The following ADRA1D variants were observed in gnomAD, a reference collection of about 807,000 sequenced individuals.
The protein encoded by ADRA1D is adrenoceptor alpha 1D.
ADRA1D carries 22 observed loss-of-function variants against 18.6 expected under a neutral mutation model. That is an observed-to-expected ratio of 1.19 (90% confidence interval 0.85 to 1.69). ADRA1D has a LOEUF of 1.69. ADRA1D is among the 40% of genes most tolerant of loss of function. The probability of loss-of-function intolerance (pLI) is 0.00; values close to 1 mark genes in which losing one functional copy is unlikely to be tolerated. For missense variants in ADRA1D, 840 were observed against 840.7 expected (o/e 1.00, Z 0.01); for synonymous variants, 376 against 388.2 (o/e 0.97, Z 0.37).
chr20:4,221,290 C>T lies in ADRA1D; in HGVS notation c.*233G>A. The stretch of plus-strand genomic sequence containing the variant: ...GCCCCACGGAGCCCGCAGCCTCTCC[C>T]TTCTAAGAAAAGAGTTCTGGGCACC... On this transcript the variant is annotated 3_prime_UTR_variant, in exon 2 of 2. Coordinates refer to ENST00000379453, the MANE Select transcript of ADRA1D (RefSeq NM_000678.4). 2.2e-6 allele frequency: 1 copy of T among 457,338 alleles called. No individual in the cohort carries two copies. The highest frequency in any genetic ancestry group is 3.8e-6 in the Non-Finnish European group (1 of 262,714). 28.3% of individuals were successfully genotyped at this position (457,338 alleles called of 1,614,324 possible).
chr20:4,232,849 G>GC (rs1318062607), intron 1 of ADRA1D, among the ~76,000 whole-genome samples: 4 of 152,182 alleles, frequency 2.6e-5, no homozygotes, highest in Non-Finnish European at 5.9e-5. Context: ...GAGAAGGCCG[G>GC]CCCCCTTGCC....
chr20:4,235,159 G>A (rs533825458), intron 1 of ADRA1D, among the ~76,000 whole-genome samples: 3 of 152,276 alleles, frequency 2.0e-5, no homozygotes, highest in East Asian at 1.9e-4. Flanking sequence ...CTTGAGATGC[G>A]CCGGGTGTAG....
rs1190781908 is a variant in ADRA1D, at chr20:4,239,593, G to C, written c.1111+8254C>G. ...GCATCTTATCAGATCAGAAAGCAAAGAAGAGCTCAAGATGCTCCAGGTTCT... is the reference window on the plus strand; with the variant it reads ...GCATCTTATCAGATCAGAAAGCAAACAAGAGCTCAAGATGCTCCAGGTTCT... On this transcript the variant is annotated intron_variant, in intron 1 of 1. Transcript: ENST00000379453. This position sits in a 1 kb window ranked among gnomAD's most constrained non-coding sequence, Gnocchi z 4.9. Among the ~76,000 whole-genome samples the C allele has an allele frequency of 1.3e-5, 2 of 152,184 alleles. No individual in the cohort carries two copies. The highest frequency in any genetic ancestry group is 4.8e-5 in the African/African-American group (2 of 41,446).
At position 4,248,965 on chromosome 20, in the gene ADRA1D, C is replaced by A. The variant is rs1167957568; in HGVS notation, c.-8G>T. 3.0e-6 allele frequency: 4 copies of A among 1,349,322 alleles called. No homozygotes were observed. The highest frequency in any genetic ancestry group is 2.9e-5 in the South Asian group (2 of 69,732). 83.6% of individuals were successfully genotyped at this position (1,349,322 alleles called of 1,614,324 possible). On this transcript the variant is annotated 5_prime_UTR_variant, in exon 1 of 2. Transcript: ENST00000379453. ...GAGATCGCGGAAAGTCATCTCAACG[C>A]GCGGCCGTCGGTGGCCGGGCCGGGG... is the stretch of plus-strand genomic sequence containing the variant.
chr20:4,234,896 C>T (rs974454375), intron 1 of ADRA1D, among the ~76,000 whole-genome samples: 7 of 152,192 alleles, frequency 4.6e-5, no homozygotes, highest in Non-Finnish European at 5.9e-5. Context: ...GAGAGACACC[C>T]GGGAAGTTAG....
chr20:4,228,105 G>C (rs112825049), intron 1 of ADRA1D, among the ~76,000 whole-genome samples: 15 of 152,190 alleles, frequency 9.9e-5, no homozygotes, highest in African/African-American at 3.6e-4. Flanking sequence ...TTGACCTCCT[G>C]CCAGCTCCTT....
At chr20:4,234,237 AGG>A (rs1491577595) in intron 1 of ADRA1D, among the ~76,000 whole-genome samples, 3 of 152,196 alleles carry the variant, frequency 2.0e-5, no homozygotes, top group Admixed American at 2.0e-4. Context: ...TAAGGCAGGG[AGG>A]GACATGGCTG....
chr20:4,245,571 C>T (rs998563410), intron 1 of ADRA1D, among the ~76,000 whole-genome samples: 1 of 151,960 alleles, frequency 6.6e-6, no homozygotes, highest in African/African-American at 2.4e-5. Context: ...TGATTACAGG[C>T]ATGTGGGTGC....
rs1981176500 is a variant in ADRA1D at position 4,239,947 on chromosome 20, A to T, written c.1111+7900T>A. Reference sequence around the variant, plus strand: ...TATCCCCACTTCAAGCCCCAGTGATATAATGGGTCCAGGCCATGGTCAATG... The same window carrying T: ...TATCCCCACTTCAAGCCCCAGTGATTTAATGGGTCCAGGCCATGGTCAATG... On this transcript the variant is annotated intron_variant, in intron 1 of 1. Transcript: ENST00000379453. The surrounding 1 kb of genome is among the most constrained non-coding windows in gnomAD (Gnocchi z 4.9). 1.3e-5 allele frequency among the ~76,000 whole-genome samples: 2 copies of T among 152,240 alleles called. No homozygotes were observed. The highest frequency in any genetic ancestry group is 1.3e-4 in the Admixed American group (2 of 15,284).
intron 1 of ADRA1D, among the ~76,000 whole-genome samples, chr20:4,231,279 AT>A (rs138512152): frequency 0.017 from 2,532 of 147,174 alleles, 74 homozygotes; most frequent in African/African-American, 0.06. Context: ...TATTATTATT[AT>A]TATTATTATT....
At chr20:4,235,741 C>A (rs191905470) in intron 1 of ADRA1D, among the ~76,000 whole-genome samples, 23 of 152,396 alleles carry the variant, frequency 1.5e-4, no homozygotes, top group Admixed American at 7.2e-4. Flanking sequence ...GGCCTCCACA[C>A]TGGCTTTCAG....
rs1435342040 is a variant in ADRA1D, at chr20:4,248,229, C to G, written c.729G>C (p.Glu243Asp). The G allele has an allele frequency of 6.2e-7, 1 of 1,602,136 alleles. No homozygotes were observed. The change falls in exon 1 of 2, where the codon GAG (glutamate) becomes GAC (aspartate). Residue 243 changes from glutamate (E) to aspartate (D), a missense_variant. Physicochemically the swap from Glu to Asp is conservative, Grantham distance 45 (BLOSUM62 2). Coordinates refer to ENST00000379453, the MANE Select transcript of ADRA1D (RefSeq NM_000678.4). ...CCTCCTCGGTGATACCGCAGAAGCG[C>G]TCGTCAGGGGGCACGGGCTCCTTCC... ...LGWKEPVPPD[E>D]RFCGITEEAG... is the part of the protein sequence containing the mutation.
At chr20:4,245,745 A>G (rs1981321412) in intron 1 of ADRA1D, among the ~76,000 whole-genome samples, 1 of 152,164 alleles carries the variant, frequency 6.6e-6, no homozygotes, top group Admixed American at 6.5e-5. Context: ...CCAGGAGCCC[A>G]GCACAGCTGG....
chr20:4,247,808 G>A, intron 1 of ADRA1D, 39 bp downstream of exon 1: 1 of 1,468,800 alleles, frequency 6.8e-7, no homozygotes, highest in Non-Finnish European at 9.0e-7. Flanking sequence ...CATAGGCTCA[G>A]GGAGAACAGG....
At position 4,248,465 on chromosome 20, in the gene ADRA1D, C is replaced by G. The variant is rs1283556033; in HGVS notation, c.493G>C (p.Gly165Arg). The change falls in exon 1 of 2, where the codon GGC (glycine) becomes CGC (arginine). Residue 165 changes from glycine (G) to arginine (R), a missense_variant. Coordinates refer to ENST00000379453, the MANE Select transcript of ADRA1D (RefSeq NM_000678.4). Reference protein sequence around the residue: ...TMEVLGFWAFGRAFCDVWAAV... With the variant: ...TMEVLGFWAFRRAFCDVWAAV... ...GCCCATACGTCGCAGAAGGCGCGGCCAAAGGCCCAGAAGCCCAGAACCTCC... is the reference window on the plus strand; with the variant it reads ...GCCCATACGTCGCAGAAGGCGCGGCGAAAGGCCCAGAAGCCCAGAACCTCC... The G allele has an allele frequency of 3.1e-6, 5 of 1,612,992 alleles. No homozygotes were observed. Among genetic ancestry groups the G allele is most frequent in the Non-Finnish European group, 4.2e-6 (5 of 1,179,654 alleles).
In ADRA1D at chr20:4,221,246, T is replaced by TAGGGAA. The variant is rs942172584; in HGVS notation, c.*276_*277insTTCCCT. 1 of 357,574 alleles carries TAGGGAA rather than the reference T, an allele frequency of 2.8e-6. No homozygotes were observed. Among genetic ancestry groups the TAGGGAA allele is most frequent in the African/African-American group, 2.1e-5 (1 of 47,252 alleles). The allele number at this position is 357,574 out of a possible 1,614,324, so 22.2% of individuals were successfully genotyped here. ...GGAGGATGGGGCAGTGTTTCTCAAA[T>TAGGGAA]AGGGATTGGGAGCAAAAGGCCCCAC... On this transcript the variant is annotated 3_prime_UTR_variant, in exon 2 of 2. Transcript: ENST00000379453.
At chr20:4,247,610 AAAG>A (rs556492176) in intron 1 of ADRA1D, among the ~76,000 whole-genome samples, 3 of 152,234 alleles carry the variant, frequency 2.0e-5, no homozygotes, top group South Asian at 2.1e-4. Context: ...AAGGCTTGGA[AAAG>A]AAGAAGGGAA....
At chr20:4,245,481 G>C (rs907362391) in intron 1 of ADRA1D, among the ~76,000 whole-genome samples, 7 of 152,184 alleles carry the variant, frequency 4.6e-5, no homozygotes, top group Admixed American at 6.5e-5. Flanking sequence ...TCTAGTTATG[G>C]CTTGTTCTAT....
At chr20:4,240,046 T>G (rs1442869218) in intron 1 of ADRA1D, among the ~76,000 whole-genome samples, 4 of 152,162 alleles carry the variant, frequency 2.6e-5, no homozygotes, top group Admixed American at 2.0e-4. Context: ...GCACATGAAT[T>G]CTGGTCAATC....
Sources: allele counts gnomAD v4.1 joint callset (sites outside exome capture counted in the v4.1 genomes callset), GRCh38; gene constraint gnomAD v4.1.1; non-coding constraint Gnocchi (gnomAD v3.1); transcripts MANE v1.5; gene names NCBI Gene and HGNC (gene_info 2026-07-23, HGNC 2026-07-21).